Variants in OSBPL8 observed in about 807,000 individuals in gnomAD.
The protein encoded by OSBPL8 is oxysterol-binding protein-related protein 8.
Under a neutral mutation model 125.5 loss-of-function variants are expected in OSBPL8, and 59 were observed. That is an observed-to-expected ratio of 0.47 (90% confidence interval 0.38 to 0.58). The LOEUF is 0.58. Ranked by LOEUF, OSBPL8 falls within the 20% of genes least tolerant of loss-of-function variation. The probability of loss-of-function intolerance (pLI) is 0.00; values close to 1 mark genes in which losing one functional copy is unlikely to be tolerated. For synonymous variants in OSBPL8, 330 were observed against 338.9 expected, an observed-to-expected ratio of 0.97 and a Z score of 0.29; for missense variants, 758 against 1,047.8, an observed-to-expected ratio of 0.72 and a Z score of 3.82.
At chr12:76,370,099 T>A (rs1409405505) in intron 19 of OSBPL8, among the ~76,000 whole-genome samples, 1 of 152,104 alleles carries the variant, frequency 6.6e-6, no homozygotes, top group Admixed American at 6.6e-5. Context: ...TGTTGAAGTG[T>A]TGCTGGCTCA....
intron 2 of OSBPL8, among the ~76,000 whole-genome samples, chr12:76,480,684 C>T (rs557369376): frequency 3.3e-4 from 51 of 152,312 alleles, no homozygotes; most frequent in African/African-American, 1.1e-3. Context: ...GGACTTCAAT[C>T]TAGCTGGCAA....
In OSBPL8 at chr12:76,420,837, G is replaced by A. The variant is rs116744988; in HGVS notation, c.218-10203C>T. Among the ~76,000 whole-genome samples, 651 of 152,046 alleles carry A rather than the reference G, an allele frequency of 4.3e-3. 7 individuals carry two copies. Among genetic ancestry groups the A allele is most frequent in the African/African-American group, 0.015 (624 of 41,532 alleles). ...CCATTCTACTTCTTAGTTGATAAAA[G>A]CAGATATTTTATAGAGCTTTTTATC... On this transcript the variant is annotated intron_variant, in intron 4 of 23. Transcript: ENST00000261183.
chr12:76,441,985 T>C (rs936865562), intron 4 of OSBPL8, among the ~76,000 whole-genome samples: 4 of 151,954 alleles, frequency 2.6e-5, no homozygotes, highest in African/African-American at 9.7e-5. Flanking sequence ...AGGAAATACA[T>C]AACATATTTT....
chr12:76,437,074 T>G (rs1871546278), intron 4 of OSBPL8, among the ~76,000 whole-genome samples: 1 of 152,204 alleles, frequency 6.6e-6, no homozygotes, highest in Non-Finnish European at 1.5e-5. Context: ...ATTCCACTCA[T>G]GACAAACATT....
intron 3 of OSBPL8, among the ~76,000 whole-genome samples, chr12:76,458,408 G>A (rs1376447048): frequency 6.6e-6 from 1 of 151,390 alleles, no homozygotes; most frequent in Non-Finnish European, 1.5e-5. Flanking sequence ...ATGAAAAAAG[G>A]GCTAGGCACG....
intron 1 of OSBPL8, among the ~76,000 whole-genome samples, chr12:76,499,185 C>T (rs2137101056): frequency 6.6e-6 from 1 of 152,248 alleles, no homozygotes; most frequent in South Asian, 2.1e-4. Flanking sequence ...GCTTCCTGCC[C>T]TCAAACATTG....
chr12:76,371,647 T>C (rs924222896), intron 18 of OSBPL8, 63 bp from the exon 19 acceptor site: 19 of 1,308,276 alleles, frequency 1.5e-5, no homozygotes, highest in South Asian at 4.1e-5. Context: ...TTATATAGTA[T>C]AGTAATATGA....
At chr12:76,402,789 G>C in intron 5 of OSBPL8, 23 bp from the exon 6 acceptor site, 1 of 1,462,730 alleles carries the variant, frequency 6.8e-7, no homozygotes, top group Non-Finnish European at 9.5e-7. Context: ...AGAAACAAGA[G>C]AAATTAAATC....
intron 4 of OSBPL8, among the ~76,000 whole-genome samples, chr12:76,446,970 C>T (rs1592697804): frequency 6.6e-6 from 1 of 152,202 alleles, no homozygotes; most frequent in Non-Finnish European, 1.5e-5. Flanking sequence ...CAAATACCCA[C>T]ACAGCCTACC....
chr12:76,466,339 T>C (rs200706050), intron 2 of OSBPL8, among the ~76,000 whole-genome samples: 1 of 152,214 alleles, frequency 6.6e-6, no homozygotes, highest in East Asian at 1.9e-4. Context: ...TATTATGACA[T>C]AATTATCTAT....
intron 1 of OSBPL8, among the ~76,000 whole-genome samples, chr12:76,539,083 T>C (rs1296233563): frequency 1.4e-5 from 2 of 143,476 alleles, no homozygotes; most frequent in Non-Finnish European, 3.0e-5. Flanking sequence ...GTATCCTGAA[T>C]CTCTTACTTA....
chr12:76,473,727 A>G (rs1358944921), intron 2 of OSBPL8, among the ~76,000 whole-genome samples: 4 of 152,180 alleles, frequency 2.6e-5, no homozygotes, highest in African/African-American at 9.7e-5. Flanking sequence ...CTGTGTTAAC[A>G]ACAAAGATCC....
At chr12:76,404,725 A>C (rs1196463017) in intron 5 of OSBPL8, among the ~76,000 whole-genome samples, 1 of 152,252 alleles carries the variant, frequency 6.6e-6, no homozygotes, top group Non-Finnish European at 1.5e-5. Flanking sequence ...TATTGTAAGA[A>C]TACAGTATAC....
intron 1 of OSBPL8, among the ~76,000 whole-genome samples, chr12:76,516,395 T>C (rs1251902412): frequency 1.3e-5 from 2 of 152,236 alleles, no homozygotes; most frequent in Admixed American, 6.5e-5. Flanking sequence ...CATATTCTTG[T>C]CACATTTTCA....
intron 16 of OSBPL8, among the ~76,000 whole-genome samples, chr12:76,377,759 G>A: frequency 6.6e-6 from 1 of 152,172 alleles, no homozygotes; most frequent in Non-Finnish European, 1.5e-5. Flanking sequence ...AAAGTTCAGA[G>A]TGCAGAGGTA....
chr12:76,493,183 T>G (rs1878916681), intron 1 of OSBPL8, among the ~76,000 whole-genome samples: 1 of 152,172 alleles, frequency 6.6e-6, no homozygotes. Flanking sequence ...CTCTACATAC[T>G]TCACAGGATT....
At chr12:76,554,992 C>CA (rs1486421139) in intron 1 of OSBPL8, among the ~76,000 whole-genome samples, 3 of 152,102 alleles carry the variant, frequency 2.0e-5, no homozygotes, top group Admixed American at 1.3e-4. Context: ...TTCTGAGATT[C>CA]ATAAATGAAC....
chr12:76,405,628 A>G (rs2136382361), intron 5 of OSBPL8, among the ~76,000 whole-genome samples: 1 of 152,348 alleles, frequency 6.6e-6, no homozygotes, highest in East Asian at 1.9e-4. Flanking sequence ...AATCTCTGCC[A>G]TAACGTGCAG....
intron 1 of OSBPL8, among the ~76,000 whole-genome samples, chr12:76,512,039 G>T (rs538889358): frequency 6.6e-6 from 1 of 152,208 alleles, no homozygotes; most frequent in African/African-American, 2.4e-5. Context: ...CACATGTCAT[G>T]GGGGTTCGTT....
Sources: allele counts gnomAD v4.1 joint callset (sites outside exome capture counted in the v4.1 genomes callset), GRCh38; gene constraint gnomAD v4.1.1; transcripts MANE v1.5; gene names NCBI Gene and HGNC (gene_info 2026-07-23, HGNC 2026-07-21).